The following FBXW8 variants were observed in gnomAD, a reference collection of about 807,000 sequenced individuals.
FBXW8 encodes F-box and WD repeat domain containing 8, also known as F-box/WD repeat-containing protein 8.
Under a neutral mutation model 65.3 loss-of-function variants are expected in FBXW8, and 57 were observed. That is an observed-to-expected ratio of 0.87 (90% confidence interval 0.71 to 1.09). FBXW8 has a LOEUF of 1.09. FBXW8 is among the 50% of genes least tolerant of loss of function. The probability of loss-of-function intolerance (pLI) is 0.00; values close to 1 mark genes in which losing one functional copy is unlikely to be tolerated. For missense variants in FBXW8, 777 were observed against 814.8 expected (o/e 0.95, Z 0.57); for synonymous variants, 308 against 330.2 (o/e 0.93, Z 0.73).
chr12:116,967,998 C>T (rs1234076315), intron 5 of FBXW8, among the ~76,000 whole-genome samples: 1 of 152,110 alleles, frequency 6.6e-6, no homozygotes, highest in East Asian at 1.9e-4. Context: ...GAACTCCTGA[C>T]CTCAAGTGAT....
At chr12:116,930,920 A>G (rs1881718107) in intron 2 of FBXW8, among the ~76,000 whole-genome samples, 1 of 152,092 alleles carries the variant, frequency 6.6e-6, no homozygotes, top group South Asian at 2.1e-4. Flanking sequence ...TGATTCTCCC[A>G]CCTCAACCTC....
At chr12:116,912,451 CTTTTT>C (rs34430069) in intron 1 of FBXW8, among the ~76,000 whole-genome samples, 3 of 86,480 alleles carry the variant, frequency 3.5e-5, no homozygotes, top group African/African-American at 3.8e-5. Flanking sequence ...GAGAATCATT[CTTTTT>C]TTTTTTTTTT....
chr12:116,979,450 G>A (rs1427649566), intron 5 of FBXW8: 1 of 152,312 alleles, frequency 6.6e-6, no homozygotes, highest in Non-Finnish European at 1.5e-5. Context: ...GCTGCTGCTT[G>A]TCAAGGTGGA....
chr12:117,024,018 T>G, intron 8 of FBXW8, 129 bp from the exon 9 acceptor site: 4 of 872,084 alleles, frequency 4.6e-6, no homozygotes, highest in Non-Finnish European at 6.9e-6. Flanking sequence ...ATTATCGATG[T>G]TTGTTTGCAG....
intron 8 of FBXW8, among the ~76,000 whole-genome samples, chr12:117,020,393 A>T (rs1424741298): frequency 6.6e-6 from 1 of 152,108 alleles, no homozygotes; most frequent in East Asian, 1.9e-4. Flanking sequence ...GTCGGCATGC[A>T]TGTCTTTCAT....
At chr12:117,007,748 G>A (rs1044477650) in intron 7 of FBXW8, among the ~76,000 whole-genome samples, 1 of 152,160 alleles carries the variant, frequency 6.6e-6, no homozygotes, top group African/African-American at 2.4e-5. Flanking sequence ...GTGTGAGCAT[G>A]AATAATTAAT....
intron 3 of FBXW8, 102 bp downstream of exon 3, chr12:116,945,630 GGA>G (rs1394669478): frequency 8.4e-7 from 1 of 1,191,250 alleles, no homozygotes; most frequent in Non-Finnish European, 1.2e-6. Context: ...AACAGCGAAG[GGA>G]GAGGGGTACA....
At chr12:117,014,420 G>C (rs74566169) in intron 8 of FBXW8, among the ~76,000 whole-genome samples, 16 of 152,130 alleles carry the variant, frequency 1.1e-4, no homozygotes, top group Non-Finnish European at 1.6e-4. Context: ...GCTTATCTTA[G>C]GGTTGACATC....
intron 8 of FBXW8, 65 bp from the exon 9 acceptor site, chr12:117,024,082 G>GT: frequency 6.4e-7 from 1 of 1,557,706 alleles, no homozygotes. Context: ...TGGAGGGGGA[G>GT]TTTGTCATTT....
chr12:116,929,025 C>G (rs910143630), intron 2 of FBXW8, among the ~76,000 whole-genome samples: 12 of 152,086 alleles, frequency 7.9e-5, no homozygotes, highest in Non-Finnish European at 1.8e-4. Context: ...AGCCTGGTCT[C>G]AAACTCCTGA....
intron 7 of FBXW8, among the ~76,000 whole-genome samples, chr12:116,999,953 C>G (rs1015964652): frequency 1.3e-5 from 2 of 150,802 alleles, no homozygotes; most frequent in Non-Finnish European, 2.9e-5. Flanking sequence ...TGGCCCTGAG[C>G]TTGTACAGAA....
At chr12:116,971,451 G>C (rs1884641208) in intron 5 of FBXW8, among the ~76,000 whole-genome samples, 1 of 152,004 alleles carries the variant, frequency 6.6e-6, no homozygotes, top group South Asian at 2.1e-4. Context: ...ACCTCCACCT[G>C]GCATATCTAG....
rs144611767 is a variant in FBXW8 at position 117,015,660 on chromosome 12, C to G, written c.1367+5210C>G. On this transcript the variant is annotated intron_variant, in intron 8 of 10. Coordinates refer to ENST00000652555, the MANE Select transcript of FBXW8 (RefSeq NM_153348.3). Reference sequence around the variant, plus strand: ...GCCAGCAAATTCCAGTGTTTTCCCCCATGGTCTCAAGTTTAGCAGCTGTAC... The same window carrying G: ...GCCAGCAAATTCCAGTGTTTTCCCCGATGGTCTCAAGTTTAGCAGCTGTAC... Among the ~76,000 whole-genome samples, 7 of 152,306 alleles carry G rather than the reference C, an allele frequency of 4.6e-5. No individual in the cohort carries two copies. The East Asian group carries it at 1.4e-3, about 29-fold the overall frequency.
chr12:117,022,102 G>C (rs1954113241), intron 8 of FBXW8, among the ~76,000 whole-genome samples: 1 of 152,148 alleles, frequency 6.6e-6, no homozygotes, highest in Non-Finnish European at 1.5e-5. Flanking sequence ...AGCCCTGGAG[G>C]CAGCTGGTCC....
intron 2 of FBXW8, among the ~76,000 whole-genome samples, chr12:116,929,096 G>A (rs966130077): frequency 7.2e-5 from 11 of 152,112 alleles, no homozygotes; most frequent in Admixed American, 5.9e-4. Context: ...ATGAGCCACC[G>A]CGCCCGGCCC....
At chr12:116,928,466 G>A (rs1018377300) in intron 2 of FBXW8, among the ~76,000 whole-genome samples, 18 of 152,202 alleles carry the variant, frequency 1.2e-4, no homozygotes, top group Non-Finnish European at 1.5e-5. Flanking sequence ...ATGCAAAGAT[G>A]TGAGCCCTTG....
chr12:116,914,468 G>T (rs890802473), intron 1 of FBXW8, among the ~76,000 whole-genome samples: 8 of 151,254 alleles, frequency 5.3e-5, no homozygotes, highest in African/African-American at 1.7e-4. Context: ...CACTACCTGG[G>T]AGGCTGATGT....
chr12:116,970,675 G>A (rs137867308), intron 5 of FBXW8, among the ~76,000 whole-genome samples: 305 of 152,348 alleles, frequency 2.0e-3, no homozygotes, highest in African/African-American at 7.0e-3. Flanking sequence ...ACATTTGGAT[G>A]TGATGACATG....
chr12:116,917,998 A>AC (rs981110343), intron 1 of FBXW8, among the ~76,000 whole-genome samples: 1 of 151,000 alleles, frequency 6.6e-6, no homozygotes, highest in Non-Finnish European at 1.5e-5. Context: ...CCTCAAAAAA[A>AC]AAAAAACAAA....
Sources: allele counts gnomAD v4.1 joint callset (sites outside exome capture counted in the v4.1 genomes callset), GRCh38; gene constraint gnomAD v4.1.1; transcripts MANE v1.5; gene names NCBI Gene and HGNC (gene_info 2026-07-23, HGNC 2026-07-21).